The following EML2 variants were observed in gnomAD, a reference collection of about 807,000 sequenced individuals.
EML2 encodes echinoderm microtubule-associated protein-like 2.
Under a neutral mutation model 84.7 loss-of-function variants are expected in EML2, and 59 were observed. The observed-to-expected ratio is 0.70, with a 90% CI of 0.56 to 0.86. The LOEUF is 0.86. Ranked by LOEUF, EML2 falls within the 40% of genes least tolerant of loss-of-function variation. EML2 has a pLI of 0.00. For synonymous variants in EML2, 352 were observed against 348.9 expected, an observed-to-expected ratio of 1.01 and a Z score of -0.10; for missense variants, 818 against 855.6, an observed-to-expected ratio of 0.96 and a Z score of 0.55.
upstream of EML2, chr19:45,645,185 T>G: frequency 7.2e-7 from 1 of 1,384,656 alleles, no homozygotes; most frequent in Non-Finnish European, 9.7e-7. Flanking sequence ...AGGGAGGGGG[T>G]TGGGGACTTG....
At chr19:45,609,887 C>T (rs1970305056) in intron 18 of EML2, 99 bp from the exon 19 acceptor site, 42 of 1,085,590 alleles carry the variant, frequency 3.9e-5, no homozygotes, top group Middle Eastern at 3.2e-4. Context: ...TGCTCTTCCT[C>T]TTTTTTTTTT....
At chr19:45,628,975 C>G (rs1972710056) in intron 7 of EML2, among the ~76,000 whole-genome samples, 1 of 152,080 alleles carries the variant, frequency 6.6e-6, no homozygotes, top group Admixed American at 6.6e-5. Context: ...TAGGCCACCT[C>G]TCAGAGAGGG....
At chr19:45,643,721 C>A, upstream of EML2, 1 of 1,531,830 alleles carries the variant, frequency 6.5e-7, no homozygotes. Context: ...CCTCTGGGCT[C>A]CGCAGTGCAG....
upstream of EML2, chr19:45,644,829 G>C (rs1381273236): frequency 2.2e-6 from 1 of 456,380 alleles, no homozygotes; most frequent in Non-Finnish European, 4.4e-6. Flanking sequence ...TAGAAGCAAA[G>C]TCCTCTGGCC....
At position 45,616,867 on chromosome 19, in the gene EML2, G is replaced by T; in HGVS notation, c.1323-14C>A. 6 of 1,602,626 alleles carry T rather than the reference G, an allele frequency of 3.7e-6. No homozygotes were observed. Among genetic ancestry groups the T allele is most frequent in the Non-Finnish European group, 5.1e-6 (6 of 1,171,432 alleles). On this transcript the variant is annotated splice_polypyrimidine_tract_variant and intron_variant, in intron 13 of 18. Transcript: ENST00000245925. The stretch of plus-strand genomic sequence containing the variant: ...AGCAGCAGCCATCTTGAAGGAGAGG[G>T]CGTGGTGGGGGGAGGAGGGGTGAGC...
In EML2 at chr19:45,615,869, G is replaced by T; in HGVS notation, c.1530C>A (p.Thr510=). 6.2e-7 allele frequency: 1 copy of T among 1,613,922 alleles called. No homozygotes were observed. Among genetic ancestry groups the T allele is most frequent in the Non-Finnish European group, 8.5e-7 (1 of 1,179,900 alleles). ...TGCTGTCCTGGGCCCAATCCAGGTG[G>T]GTGATAAAACTGGAATGGCCCTGCG... ...GKCSGHSSFI[T]HLDWAQDSSC... Residue 510 remains threonine (T), a synonymous_variant, in exon 16 of 19, where the codon ACC becomes ACA. Transcript: ENST00000245925.
intron 7 of EML2, 95 bp from the exon 8 acceptor site, chr19:45,626,934 G>C (rs1205212973): frequency 8.8e-7 from 1 of 1,135,962 alleles, no homozygotes; most frequent in Non-Finnish European, 1.2e-6. Context: ...GGCTGTTTGT[G>C]TTGTATGCTG....
chr19:45,625,200 G>A (rs1032266546), intron 8 of EML2, among the ~76,000 whole-genome samples: 1 of 152,116 alleles, frequency 6.6e-6, no homozygotes, highest in Admixed American at 6.6e-5. Flanking sequence ...CAAGCAGCTG[G>A]GATTACAGGC....
intron 15 of EML2, chr19:45,616,233 G>A: frequency 1.8e-6 from 1 of 566,410 alleles, no homozygotes. Flanking sequence ...CGGAACGTGA[G>A]GGGCGGGGCT....
In EML2 at chr19:45,614,643, C is replaced by T. The variant is rs2122608341; in HGVS notation, c.1655G>A (p.Trp552Ter). 1.9e-6 allele frequency: 3 copies of T among 1,614,104 alleles called. No homozygotes were observed. The East Asian group carries it at 6.7e-5, about 36-fold the overall frequency. ...CCCTAGGACACAAGTAGCTGTGGCC[C>T]ATTCCATGTTCCTCACAGCATCCGC... ...TSADAVRNME[W>*]ATATCVLGFG... The change falls in exon 17 of 19, where the codon TGG (tryptophan) becomes TAG (stop). Residue 552 changes from tryptophan (W) to a stop codon, truncating the protein, a stop_gained. Transcript: ENST00000245925. LOFTEE classifies it high-confidence loss of function.
intron 12 of EML2, among the ~76,000 whole-genome samples, chr19:45,618,137 C>CACT (rs1971291554): frequency 2.0e-5 from 3 of 152,074 alleles, no homozygotes; most frequent in East Asian, 3.9e-4. Context: ...GGTCTCAGCT[C>CACT]ACTACAACCT....
At chr19:45,636,443 C>A (rs1433454821) in intron 3 of EML2, among the ~76,000 whole-genome samples, 1 of 151,880 alleles carries the variant, frequency 6.6e-6, no homozygotes, top group African/African-American at 2.4e-5. Flanking sequence ...TTGTTTTTTT[C>A]ATTTCTGTAT....
At chr19:45,629,495 T>A (rs2122729275) in intron 7 of EML2, among the ~76,000 whole-genome samples, 1 of 152,216 alleles carries the variant, frequency 6.6e-6, no homozygotes, top group African/African-American at 2.4e-5. Flanking sequence ...CAGCTAATTT[T>A]GTATTTTTAG....
At chr19:45,630,079 C>G in intron 6 of EML2, 33 bp from the exon 7 acceptor site, 1 of 1,539,624 alleles carries the variant, frequency 6.5e-7, no homozygotes. Context: ...GGGACAGAGG[C>G]AAGGGGAGTC....
intron 18 of EML2, among the ~76,000 whole-genome samples, chr19:45,610,960 G>C (rs1366605947): frequency 6.6e-6 from 1 of 152,236 alleles, no homozygotes; most frequent in Non-Finnish European, 1.5e-5. Flanking sequence ...GCTGGGATTT[G>C]AGACATAAGC....
chr19:45,644,455 G>A (rs1974875950), upstream of EML2, among the ~76,000 whole-genome samples: 1 of 152,054 alleles, frequency 6.6e-6, no homozygotes. Context: ...TGTGCCCAGA[G>A]GACTGAACCT....
At chr19:45,633,636 G>T (rs1027198845) in intron 4 of EML2, among the ~76,000 whole-genome samples, 2 of 152,124 alleles carry the variant, frequency 1.3e-5, no homozygotes, top group African/African-American at 4.8e-5. Context: ...CTACTCGGGA[G>T]ACTGAGGCAG....
intron 15 of EML2, 64 bp from the exon 16 acceptor site, chr19:45,615,953 G>C: frequency 8.1e-7 from 1 of 1,242,144 alleles, no homozygotes; most frequent in Non-Finnish European, 1.2e-6. Flanking sequence ...AGGGGGACAG[G>C]ATTAAATCAG....
upstream of EML2, chr19:45,644,835 T>C (rs1161004089): frequency 4.4e-6 from 2 of 456,106 alleles, no homozygotes; most frequent in East Asian, 1.4e-4. Context: ...CAAAGTCCTC[T>C]GGCCGTCCCT....
Sources: gnomAD v4.1 joint callset for allele counts (sites outside exome capture counted in the v4.1 genomes callset) on GRCh38, gnomAD v4.1.1 for gene constraint, MANE v1.5 for transcripts, NCBI Gene and HGNC (gene_info 2026-07-23, HGNC 2026-07-21) for gene names.